RSRC1: variants seen among roughly 807,000 people sequenced by gnomAD.
RSRC1 encodes serine/Arginine-related protein 53.
RSRC1 carries 39 observed loss-of-function variants against 49.1 expected under a neutral mutation model. That is an observed-to-expected ratio of 0.79 (90% CI 0.61 to 1.04). The LOEUF (loss-of-function observed/expected upper bound fraction) is 1.04. Ranked by LOEUF, RSRC1 falls within the 50% of genes least tolerant of loss-of-function variation. The probability of loss-of-function intolerance (pLI) is 0.00; values close to 1 mark genes in which losing one functional copy is unlikely to be tolerated. For missense variants in RSRC1, 388 were observed against 402.4 expected (o/e 0.96, Z 0.31); for synonymous variants, 143 against 130.8 (o/e 1.09, Z -0.63).
chr3:158,273,007 A>G (rs571894305), intron 4 of RSRC1, among the ~76,000 whole-genome samples: 4 of 152,166 alleles, frequency 2.6e-5, no homozygotes, highest in African/African-American at 9.6e-5. Flanking sequence ...TATAACTATG[A>G]GTACTAGCTT....
At chr3:158,514,937 A>C (rs1740419075) in intron 7 of RSRC1, among the ~76,000 whole-genome samples, 2 of 152,138 alleles carry the variant, frequency 1.3e-5, no homozygotes, top group South Asian at 4.2e-4. Flanking sequence ...GTAGGATTGC[A>C]ACCCCTACCT....
chr3:158,253,927 C>T (rs1365370659), intron 4 of RSRC1, among the ~76,000 whole-genome samples: 1 of 152,102 alleles, frequency 6.6e-6, no homozygotes, highest in Non-Finnish European at 1.5e-5. Flanking sequence ...CTCTCCACCC[C>T]ACAACAGGCC....
intron 7 of RSRC1, among the ~76,000 whole-genome samples, chr3:158,503,741 C>CG (rs1343749372): frequency 1.3e-5 from 2 of 152,018 alleles, no homozygotes; most frequent in East Asian, 1.9e-4. Context: ...ACCGTGCCCC[C>CG]CCAACAGCCC....
intron 3 of RSRC1, among the ~76,000 whole-genome samples, chr3:158,173,771 A>G (rs1055524324): frequency 6.6e-6 from 1 of 152,154 alleles, no homozygotes; most frequent in Non-Finnish European, 1.5e-5. Flanking sequence ...ATATTATTCA[A>G]CATTAAAAGG....
chr3:158,289,742 T>A (rs923144422), intron 4 of RSRC1, among the ~76,000 whole-genome samples: 5 of 152,208 alleles, frequency 3.3e-5, no homozygotes, highest in Non-Finnish European at 7.3e-5. Flanking sequence ...TCTTTGTAGA[T>A]CAGAGTACTG....
intron 3 of RSRC1, among the ~76,000 whole-genome samples, chr3:158,145,617 T>A (rs1717045154): frequency 6.6e-6 from 1 of 152,208 alleles, no homozygotes; most frequent in Non-Finnish European, 1.5e-5. Flanking sequence ...CAATGCGGGC[T>A]CTTTTTTGGT....
At chr3:158,170,635 C>T (rs1718827048) in intron 3 of RSRC1, among the ~76,000 whole-genome samples, 1 of 152,056 alleles carries the variant, frequency 6.6e-6, no homozygotes, top group Non-Finnish European at 1.5e-5. Context: ...TCTTTGCTGT[C>T]CTGGATTTGA....
At chr3:158,320,037 A>G (rs1728674511) in intron 5 of RSRC1, among the ~76,000 whole-genome samples, 1 of 152,212 alleles carries the variant, frequency 6.6e-6, no homozygotes, top group Non-Finnish European at 1.5e-5. Context: ...TTGATGTAAA[A>G]TAGCATTGTT....
intron 7 of RSRC1, among the ~76,000 whole-genome samples, chr3:158,504,590 A>G (rs1739766689): frequency 6.6e-6 from 1 of 152,174 alleles, no homozygotes; most frequent in Admixed American, 6.5e-5. Context: ...TCTACTTACT[A>G]CTTACTGAGT....
intron 7 of RSRC1, among the ~76,000 whole-genome samples, chr3:158,511,730 G>C (rs1251685187): frequency 3.3e-5 from 5 of 152,122 alleles, no homozygotes; most frequent in South Asian, 4.1e-4. Flanking sequence ...CTAGTTTACA[G>C]TCCCACCAAC....
chr3:158,279,086 T>A (rs1725983442), intron 4 of RSRC1, among the ~76,000 whole-genome samples: 1 of 152,228 alleles, frequency 6.6e-6, no homozygotes, highest in African/African-American at 2.4e-5. Flanking sequence ...TATTCTTTTC[T>A]CATTTTGATA....
intron 3 of RSRC1, among the ~76,000 whole-genome samples, chr3:158,167,077 AGTT>A (rs1480648661): frequency 3.3e-5 from 5 of 152,174 alleles, no homozygotes; most frequent in African/African-American, 1.2e-4. Context: ...ACATCTATCA[AGTT>A]GTCACAATTG....
chr3:158,348,487 C>G (rs779603240), intron 5 of RSRC1, among the ~76,000 whole-genome samples: 9 of 151,896 alleles, frequency 5.9e-5, no homozygotes, highest in Admixed American at 3.3e-4. Flanking sequence ...AGGAAAAACT[C>G]TAGACATTGA....
chr3:158,171,352 A>G (rs990816374), intron 3 of RSRC1, among the ~76,000 whole-genome samples: 2 of 152,228 alleles, frequency 1.3e-5, no homozygotes, highest in Non-Finnish European at 2.9e-5. Context: ...TAGCATACAA[A>G]TAAGCAGGAA....
At chr3:158,206,717 C>G (rs943969648) in intron 4 of RSRC1, among the ~76,000 whole-genome samples, 3 of 152,046 alleles carry the variant, frequency 2.0e-5, no homozygotes, top group Admixed American at 2.0e-4. Context: ...AGTTTGAGTC[C>G]AGCCTGACCA....
rs192701947 is a variant in RSRC1, at chr3:158,401,228, T to C, written c.583+46320T>C. ...CATATCCCCATCATTAAGAGACACATGACTGTAACGGGCAGAGATGTCTGA... is the reference window on the plus strand; with the variant it reads ...CATATCCCCATCATTAAGAGACACACGACTGTAACGGGCAGAGATGTCTGA... On this transcript the variant is annotated intron_variant, in intron 6 of 9. Transcript: ENST00000611884. Among the ~76,000 whole-genome samples the C allele has an allele frequency of 6.2e-3, 949 of 152,106 alleles. 9 individuals are homozygous for C. The highest frequency in any genetic ancestry group is 7.9e-3 in the Non-Finnish European group (536 of 67,920).
At chr3:158,343,192 G>T (rs146785435) in intron 5 of RSRC1, among the ~76,000 whole-genome samples, 109 of 152,322 alleles carry the variant, frequency 7.2e-4, no homozygotes, top group Non-Finnish European at 1.4e-3. Flanking sequence ...AACCTTCATG[G>T]TATTTAAATA....
chr3:158,464,993 CT>C (rs1289836196), intron 7 of RSRC1, among the ~76,000 whole-genome samples: 1 of 152,092 alleles, frequency 6.6e-6, no homozygotes, highest in African/African-American at 2.4e-5. Context: ...CTCTCTTATC[CT>C]TTGCCTTCCT....
intron 7 of RSRC1, among the ~76,000 whole-genome samples, chr3:158,523,921 CT>C (rs1170410802): frequency 6.6e-6 from 1 of 152,014 alleles, no homozygotes; most frequent in Non-Finnish European, 1.5e-5. Context: ...AAGAAAATGC[CT>C]TGAGCATCCC....
Sources: gnomAD v4.1 joint callset for allele counts (sites outside exome capture counted in the v4.1 genomes callset) on GRCh38, gnomAD v4.1.1 for gene constraint, MANE v1.5 for transcripts, NCBI Gene and HGNC (gene_info 2026-07-23, HGNC 2026-07-21) for gene names.